Variants in STRA8 observed in about 807,000 individuals in gnomAD.
The protein encoded by STRA8 is stimulated by retinoic acid gene 8 protein homolog.
STRA8 carries 18 observed loss-of-function variants against 37.1 expected under a neutral mutation model. The ratio of observed to expected loss-of-function variants is 0.48; its 90% CI spans 0.34 to 0.72. STRA8 has a LOEUF of 0.72. Ranked by LOEUF, STRA8 falls within the 30% of genes least tolerant of loss-of-function variation. The pLI is 0.01. For missense variants in STRA8, 357 were observed against 410.4 expected, an observed-to-expected ratio of 0.87 and a Z score of 1.13; for synonymous variants, 168 against 162.9, an observed-to-expected ratio of 1.03 and a Z score of -0.24.
upstream of STRA8, among the ~76,000 whole-genome samples, chr7:135,232,278 G>T (rs1399535338): frequency 6.6e-6 from 1 of 151,908 alleles, no homozygotes; most frequent in Non-Finnish European, 1.5e-5. Context: ...CTGGTGGTGG[G>T]AGGTTGGTGG....
chr7:135,244,141 C>G (rs1366970093), intron 4 of STRA8, among the ~76,000 whole-genome samples: 1 of 152,238 alleles, frequency 6.6e-6, no homozygotes, highest in East Asian at 1.9e-4. Context: ...TCACTGCCAC[C>G]TTTGCCTCCC....
chr7:135,240,395 G>A, intron 1 of STRA8, 124 bp from the exon 2 acceptor site: 2 of 868,898 alleles, frequency 2.3e-6, no homozygotes, highest in Non-Finnish European at 3.5e-6. Flanking sequence ...ATGAGGGAGT[G>A]AATTTGGGGC....
At chr7:135,234,748 C>G (rs1420966704) in intron 1 of STRA8, among the ~76,000 whole-genome samples, 1 of 152,188 alleles carries the variant, frequency 6.6e-6, no homozygotes, top group Non-Finnish European at 1.5e-5. Context: ...AGTGTTAATC[C>G]TCACAAAATG....
At chr7:135,232,119 T>TGGGGGG, upstream of STRA8, 1 of 723,266 alleles carries the variant, frequency 1.4e-6, no homozygotes, top group Non-Finnish European at 2.4e-6. Flanking sequence ...TGGCAGTGGT[T>TGGGGGG]GGGGCGGGAG....
intron 1 of STRA8, among the ~76,000 whole-genome samples, chr7:135,234,699 G>T (rs1445711600): frequency 2.6e-5 from 4 of 152,184 alleles, no homozygotes; most frequent in Admixed American, 2.0e-4. Context: ...AGTATGCTCT[G>T]CTTTATAGAG....
chr7:135,244,268 A>C (rs1294217143), intron 4 of STRA8, among the ~76,000 whole-genome samples: 2 of 152,178 alleles, frequency 1.3e-5, no homozygotes, highest in East Asian at 3.9e-4. Context: ...CATGTTGCCC[A>C]AGCTGGTCTC....
At chr7:135,251,665 G>C in intron 6 of STRA8, 131 bp from the exon 7 acceptor site, 1 of 839,632 alleles carries the variant, frequency 1.2e-6, no homozygotes, top group Admixed American at 2.0e-5. Flanking sequence ...GTGGGCCCCA[G>C]CTCTGACATG....
At position 135,246,832 on chromosome 7, in the gene STRA8, T is replaced by A; in HGVS notation, c.879+130T>A. The A allele has an allele frequency of 9.9e-7, 1 of 1,014,982 alleles. No homozygotes were observed. The highest frequency in any genetic ancestry group is 2.9e-5 in the East Asian group (1 of 35,084). The allele number at this position is 1,014,982 out of a possible 1,614,324, so 62.9% of individuals were successfully genotyped here. On this transcript the variant is annotated intron_variant, in intron 6 of 8. Transcript: ENST00000662584. The surrounding 1 kb of genome is among the most constrained non-coding windows in gnomAD (Gnocchi z 5.4). ...CCTTCTGGCTCCCAAGGTCGGTTTC[T>A]GATTTTCTTTTTTCTCTTTTTTTTT...
At chr7:135,251,954 G>T in intron 7 of STRA8, 85 bp downstream of exon 7, 1 of 1,290,982 alleles carries the variant, frequency 7.7e-7, no homozygotes, top group Non-Finnish European at 1.1e-6. Context: ...GTGTGAGTTT[G>T]CATGTGCATG....
upstream of STRA8, among the ~76,000 whole-genome samples, chr7:135,233,784 C>T (rs545090385): frequency 6.6e-6 from 1 of 152,356 alleles, no homozygotes; most frequent in Admixed American, 6.5e-5. Context: ...GGTCCCCACC[C>T]CTGTAACGAG....
chr7:135,245,231 T>A, intron 4 of STRA8, 57 bp from the exon 5 acceptor site: 1 of 779,746 alleles, frequency 1.3e-6, no homozygotes, highest in Non-Finnish European at 2.4e-6. Context: ...GAATTTCTTG[T>A]CCATGTTCAT....
chr7:135,240,816 T>TACCCCA, intron 2 of STRA8, 100 bp downstream of exon 2: 1 of 1,333,844 alleles, frequency 7.5e-7, no homozygotes. Flanking sequence ...GGCCTGGAGC[T>TACCCCA]GCCACTTCTG....
intron 1 of STRA8, among the ~76,000 whole-genome samples, chr7:135,238,057 G>C (rs1349707722): frequency 6.6e-6 from 1 of 152,176 alleles, no homozygotes; most frequent in African/African-American, 2.4e-5. Flanking sequence ...TAGTGAACAG[G>C]AGGCAGGATC....
intron 4 of STRA8, 136 bp from the exon 5 acceptor site, chr7:135,245,152 A>T (rs906112170): frequency 1.7e-6 from 1 of 598,202 alleles, no homozygotes; most frequent in African/African-American, 1.8e-5. Context: ...GAAAAAGCTC[A>T]TTTGGTCATG....
At chr7:135,256,636 C>A (rs1167498824) in intron 8 of STRA8, among the ~76,000 whole-genome samples, 1 of 152,162 alleles carries the variant, frequency 6.6e-6, no homozygotes, top group Non-Finnish European at 1.5e-5. Context: ...AGAGCCTCAC[C>A]ACTACAAAAA....
At chr7:135,249,139 A>T (rs1035272136) in intron 6 of STRA8, among the ~76,000 whole-genome samples, 1 of 152,204 alleles carries the variant, frequency 6.6e-6, no homozygotes, top group East Asian at 1.9e-4. Flanking sequence ...GACCACCTAT[A>T]CAATGGTGGT....
chr7:135,243,345 T>A lies in STRA8; in HGVS notation c.288T>A (p.Asp96Glu). The A allele has an allele frequency of 6.2e-7, 1 of 1,614,170 alleles. No homozygotes were observed. The highest frequency in any genetic ancestry group is 1.1e-5 in the South Asian group (1 of 91,078). Residue 96 changes from aspartate (D) to glutamate (E), a missense_variant, in exon 4 of 9, where the codon GAT becomes GAA. Physicochemically the swap from Asp to Glu is conservative, Grantham distance 45. Transcript: ENST00000662584. The stretch of plus-strand genomic sequence containing the variant: ...CAATAGCATCCTTCAACCTGGAAGA[T>A]GGGCATGCAAGCAGCTTAGAGGAGG... ...LKLKASFNLEDGHASSLEEVK... is the reference protein window; with the variant it reads ...LKLKASFNLEEGHASSLEEVK...
In STRA8 at chr7:135,240,502, A is replaced by C; in HGVS notation, c.-6-17A>C. 1 of 1,583,942 alleles carries C rather than the reference A, an allele frequency of 6.3e-7. No individual in the cohort carries two copies. Among genetic ancestry groups the C allele is most frequent in the Admixed American group, 1.8e-5 (1 of 55,348 alleles). On this transcript the variant is annotated splice_polypyrimidine_tract_variant and intron_variant, in intron 1 of 8. Transcript: ENST00000662584. ...TATTATCTAGGGCAAAAAAAAAAGC[A>C]TACTATTACATTACAGCTTATAATG... is the stretch of plus-strand genomic sequence containing the variant.
chr7:135,251,813 CT>C lies in STRA8; in HGVS notation c.900del (p.Phe300LeufsTer54), dbSNP rs1562973202. On this transcript the variant is annotated frameshift_variant, in exon 7 of 9. Transcript: ENST00000662584. LOFTEE classifies it high-confidence loss of function. The stretch of plus-strand genomic sequence containing the variant: ...TCTTTCAGATCCTTTTTGAGGATGC[CT>C]TTGATGTGGCAAGCTTCCTGGACAA... ...TPEEILFEDA[F>X]DVASFLDKSE... 6.2e-7 allele frequency: 1 copy of C among 1,613,980 alleles called. No homozygotes were observed. The highest frequency in any genetic ancestry group is 8.5e-7 in the Non-Finnish European group (1 of 1,180,018).
Sources: allele counts gnomAD v4.1 joint callset (sites outside exome capture counted in the v4.1 genomes callset), GRCh38; gene constraint gnomAD v4.1.1; non-coding constraint Gnocchi (gnomAD v3.1); transcripts MANE v1.5; gene names NCBI Gene and HGNC (gene_info 2026-07-23, HGNC 2026-07-21).